The following DYNC2I1 variants were observed in gnomAD, a reference collection of about 807,000 sequenced individuals.
DYNC2I1 encodes the protein cytoplasmic dynein 2 intermediate chain 1.
Under a neutral mutation model 133.4 loss-of-function variants are expected in DYNC2I1, and 89 were observed. That is an observed-to-expected ratio of 0.67 (90% CI 0.56 to 0.80). The LOEUF is 0.80. Ranked by LOEUF, DYNC2I1 falls within the 30% of genes least tolerant of loss-of-function variation. DYNC2I1 has a pLI of 0.00. For synonymous variants in DYNC2I1, 504 were observed against 484.3 expected (o/e 1.04, Z -0.54); for missense variants, 1,291 against 1,314.5 (o/e 0.98, Z 0.28).
chr7:158,895,921 T>A (rs1226567626), intron 8 of DYNC2I1, among the ~76,000 whole-genome samples: 1 of 152,240 alleles, frequency 6.6e-6, no homozygotes, highest in African/African-American at 2.4e-5. Flanking sequence ...CAGATTATAC[T>A]CGTTCCTTGC....
At chr7:158,918,996 T>A in intron 15 of DYNC2I1, 127 bp downstream of exon 15, 1 of 1,108,556 alleles carries the variant, frequency 9.0e-7, no homozygotes, top group Non-Finnish European at 1.2e-6. Flanking sequence ...TGAGAAAGAC[T>A]GAGTTTCTGC....
intron 5 of DYNC2I1, among the ~76,000 whole-genome samples, chr7:158,881,453 T>G: frequency 6.6e-6 from 1 of 152,062 alleles, no homozygotes; most frequent in East Asian, 1.9e-4. Flanking sequence ...TTATTTATTT[T>G]TATTTATTTA....
intron 5 of DYNC2I1, among the ~76,000 whole-genome samples, chr7:158,882,875 CAA>C (rs71200076): frequency 7.5e-4 from 81 of 108,482 alleles, no homozygotes; most frequent in African/African-American, 8.9e-4. Flanking sequence ...GCCTTTGTCT[CAA>C]AAAAAAAAAA....
At chr7:158,850,443 A>G in the DYNC2I1 span, among the ~76,000 whole-genome samples, 3 of 152,220 alleles carry the variant, frequency 2.0e-5, no homozygotes, top group African/African-American at 7.2e-5. Context: ...CTCCCGTCCC[A>G]ACTCAGAAGG....
chr7:158,883,131 A>G (rs1054977727), intron 5 of DYNC2I1, among the ~76,000 whole-genome samples: 4 of 151,986 alleles, frequency 2.6e-5, no homozygotes, highest in African/African-American at 9.7e-5. Flanking sequence ...TTACGCCAGG[A>G]CAACAGATAG....
intron 21 of DYNC2I1, among the ~76,000 whole-genome samples, chr7:158,932,910 G>A (rs1448532729): frequency 6.6e-6 from 1 of 152,220 alleles, no homozygotes; most frequent in Admixed American, 6.5e-5. Flanking sequence ...TCTGGTTGGT[G>A]ACTGGGCACC....
chr7:158,934,371 C>A, intron 22 of DYNC2I1, 47 bp from the exon 23 acceptor site: 2 of 1,585,578 alleles, frequency 1.3e-6, no homozygotes, highest in South Asian at 1.2e-5. Flanking sequence ...TATCCAATCT[C>A]GTGTGTAATG....
chr7:158,866,128 G>A (rs1426359147), intron 1 of DYNC2I1, among the ~76,000 whole-genome samples: 2 of 152,112 alleles, frequency 1.3e-5, no homozygotes, highest in African/African-American at 4.8e-5. Flanking sequence ...CCACTGGATG[G>A]GTTTTGTGAC....
chr7:158,925,617 G>C (rs1269863928), intron 17 of DYNC2I1, among the ~76,000 whole-genome samples: 1 of 152,098 alleles, frequency 6.6e-6, no homozygotes, highest in Non-Finnish European at 1.5e-5. Flanking sequence ...TTGCTTTATT[G>C]ATTGGCGACA....
chr7:158,958,398 T>A (rs1307364683), downstream of DYNC2I1, among the ~76,000 whole-genome samples: 1 of 152,122 alleles, frequency 6.6e-6, no homozygotes, highest in Non-Finnish European at 1.5e-5. Context: ...GTGGCCGGGG[T>A]CCTGTTCTGT....
chr7:158,868,153 A>G (rs1298968274), intron 1 of DYNC2I1, among the ~76,000 whole-genome samples: 2 of 152,228 alleles, frequency 1.3e-5, no homozygotes, highest in Non-Finnish European at 2.9e-5. Context: ...AAGGGGAATC[A>G]GCTTGACTTG....
At chr7:158,949,570 C>T (rs1306957234), downstream of DYNC2I1, among the ~76,000 whole-genome samples, 2 of 152,180 alleles carry the variant, frequency 1.3e-5, no homozygotes, top group East Asian at 1.9e-4. Flanking sequence ...AACGAATCAT[C>T]GCACAGCAGC....
At chr7:158,924,254 T>G (rs1427586555) in intron 17 of DYNC2I1, among the ~76,000 whole-genome samples, 1 of 152,220 alleles carries the variant, frequency 6.6e-6, no homozygotes, top group Non-Finnish European at 1.5e-5. Context: ...ATTCCCCTGA[T>G]AGCCCTGTAT....
chr7:158,886,048 T>C (rs842685), intron 6 of DYNC2I1, among the ~76,000 whole-genome samples: 2,055 of 148,654 alleles, frequency 0.014, 21 homozygotes, highest in Non-Finnish European at 0.022. Context: ...ATATAACATA[T>C]TTATATTTTA....
intron 6 of DYNC2I1, among the ~76,000 whole-genome samples, chr7:158,886,677 C>T (rs547709654): frequency 3.0e-4 from 45 of 152,232 alleles, no homozygotes; most frequent in Non-Finnish European, 5.4e-4. Context: ...AATCATGGCT[C>T]ACTGCAGCTT....
intron 14 of DYNC2I1, among the ~76,000 whole-genome samples, chr7:158,914,959 A>G (rs770675014): frequency 6.6e-6 from 1 of 152,230 alleles, no homozygotes; most frequent in Non-Finnish European, 1.5e-5. Flanking sequence ...TGGCATTCAC[A>G]TTTCGCCAGC....
chr7:158,929,551 G>A (rs1849997048), intron 20 of DYNC2I1, among the ~76,000 whole-genome samples: 1 of 152,228 alleles, frequency 6.6e-6, no homozygotes, highest in Non-Finnish European at 1.5e-5. Context: ...ACGCCAGGTG[G>A]GGGGCATGCC....
rs549971283 is a variant in DYNC2I1 at position 158,886,891 on chromosome 7, G to C, written c.936-130G>C. 7.1e-6 allele frequency: 6 copies of C among 839,278 alleles called. 1 individual carries two copies. Among genetic ancestry groups the C allele is most frequent in the South Asian group, 6.8e-5 (4 of 58,446 alleles). 52.0% of individuals were successfully genotyped at this position (839,278 alleles called of 1,614,324 possible). ...GCTGGGATTACAGGTGCAAGTCATCGCTCCTGGTTGTAGTAGTTCTTAATC... is the reference window on the plus strand; with the variant it reads ...GCTGGGATTACAGGTGCAAGTCATCCCTCCTGGTTGTAGTAGTTCTTAATC... On this transcript the variant is annotated intron_variant, in intron 6 of 24. Coordinates refer to ENST00000407559, the MANE Select transcript of DYNC2I1 (RefSeq NM_018051.5).
chr7:158,927,634 C>T (rs1849763067), intron 20 of DYNC2I1, among the ~76,000 whole-genome samples: 1 of 151,812 alleles, frequency 6.6e-6, no homozygotes, highest in African/African-American at 2.4e-5. Flanking sequence ...TCACTGCAAC[C>T]TCTGCCTCCT....
Sources: gnomAD v4.1 joint callset for allele counts (sites outside exome capture counted in the v4.1 genomes callset) on GRCh38, gnomAD v4.1.1 for gene constraint, MANE v1.5 for transcripts, NCBI Gene and HGNC (gene_info 2026-07-23, HGNC 2026-07-21) for gene names.